Variants in VPS50 observed in about 807,000 individuals in gnomAD.
The protein encoded by VPS50 is VPS50 subunit of EARP/GARPII complex.
In VPS50, 70 loss-of-function variants were observed where a neutral mutation model predicts 139.7. The observed-to-expected ratio is 0.50, with a 90% confidence interval of 0.41 to 0.61. The LOEUF (loss-of-function observed/expected upper bound fraction) is 0.61, where lower values mean the gene tolerates loss of function less well. VPS50 is among the 20% of genes least tolerant of loss of function. VPS50 has a pLI of 0.00. For missense variants in VPS50, 921 were observed against 1,133.7 expected (o/e 0.81, Z 2.69); for synonymous variants, 365 against 376.7 (o/e 0.97, Z 0.36).
At chr7:93,324,601 T>C (rs1797714731) in intron 21 of VPS50, among the ~76,000 whole-genome samples, 1 of 152,164 alleles carries the variant, frequency 6.6e-6, no homozygotes, top group African/African-American at 2.4e-5. Context: ...TTGATTTGCG[T>C]ATATTGAACC....
intron 2 of VPS50, among the ~76,000 whole-genome samples, chr7:93,252,073 G>C (rs1298070652): frequency 6.6e-6 from 1 of 152,174 alleles, no homozygotes; most frequent in Non-Finnish European, 1.5e-5. Context: ...GAGAAGTTTA[G>C]CTTCATAATC....
intron 12 of VPS50, among the ~76,000 whole-genome samples, chr7:93,285,831 G>T (rs1796467187): frequency 6.6e-6 from 1 of 152,194 alleles, no homozygotes; most frequent in Non-Finnish European, 1.5e-5. Flanking sequence ...GGAATGTGAA[G>T]CATAGTGGAA....
At chr7:93,258,459 T>A in intron 8 of VPS50, 67 bp downstream of exon 8, 1 of 1,200,956 alleles carries the variant, frequency 8.3e-7, no homozygotes. Flanking sequence ...CAGACAAAAT[T>A]CAGAAGTGCA....
At position 93,358,588 on chromosome 7, in the gene VPS50, T is replaced by G; in HGVS notation, c.*152T>G. On this transcript the variant is annotated 3_prime_UTR_variant, in exon 28 of 28. Transcript: ENST00000305866. ...AAAGTGGAAAATATTGAAATGTGTG[T>G]GGTGTTCTCATGACTTTTATATGCT... is the stretch of plus-strand genomic sequence containing the variant. 1 of 655,250 alleles carries G rather than the reference T, an allele frequency of 1.5e-6. No homozygotes were observed. The highest frequency in any genetic ancestry group is 1.9e-5 in the South Asian group (1 of 52,776). The allele number at this position is 655,250 out of a possible 1,614,324, so 40.6% of individuals were successfully genotyped here.
chr7:93,237,155 A>G (rs1439465804), intron 1 of VPS50, among the ~76,000 whole-genome samples: 2 of 148,768 alleles, frequency 1.3e-5, no homozygotes, highest in Non-Finnish European at 3.0e-5. Flanking sequence ...ACGGGGTTTC[A>G]CTGTGTTAGC....
rs1795378724 is a variant in VPS50 at position 93,252,957 on chromosome 7, T to C, written c.225+182T>C. Among the ~76,000 whole-genome samples the C allele has an allele frequency of 2.6e-5, 4 of 152,244 alleles. No individual in the cohort carries two copies. The South Asian group carries it at 8.3e-4, about 32-fold the overall frequency. On this transcript the variant is annotated intron_variant, in intron 3 of 27. Transcript: ENST00000305866. The stretch of plus-strand genomic sequence containing the variant: ...GGCGATGAAATTATTATTTTTTGAA[T>C]GTAACTTTAAATACAACCGTTCAGG...
chr7:93,336,513 CTTAT>C (rs769807074), intron 22 of VPS50, among the ~76,000 whole-genome samples: 90 of 152,254 alleles, frequency 5.9e-4, no homozygotes, highest in Non-Finnish European at 1.0e-3. Context: ...CTTTAGCCAA[CTTAT>C]TTATTTATTT....
At chr7:93,305,751 G>A in intron 17 of VPS50, 77 bp from the exon 18 acceptor site, 1 of 979,484 alleles carries the variant, frequency 1.0e-6, no homozygotes, top group Non-Finnish European at 1.6e-6. Flanking sequence ...AACTCTACAT[G>A]TATATTGAGG....
chr7:93,275,319 A>C lies in VPS50; in HGVS notation c.802-846A>C, dbSNP rs575104846. On this transcript the variant is annotated intron_variant, in intron 11 of 27. Coordinates refer to ENST00000305866, the MANE Select transcript of VPS50 (RefSeq NM_017667.4). ...TGTGGATAAAATGCTATCAAACAGC[A>C]TCGCATGCTACAGAGAAATATTTTG... 3.3e-5 allele frequency among the ~76,000 whole-genome samples: 5 copies of C among 152,316 alleles called. No individual in the cohort carries two copies. In the East Asian group the frequency reaches 7.7e-4, roughly 24 times the overall value.
In VPS50 at chr7:93,294,607, T is replaced by C. The variant is rs750663993; in HGVS notation, c.1138T>C (p.Leu380=). The change falls in exon 14 of 28, where the codon TTA becomes CTA. Residue 380 remains leucine, a synonymous_variant. Coordinates refer to ENST00000305866, the MANE Select transcript of VPS50 (RefSeq NM_017667.4). The part of the protein sequence containing the change: ...NFDRGYIKKK[L]EHGLTRIWQD... Reference sequence around the variant, plus strand: ...TGATCGTGGCTACATAAAAAAGAAATTAGAACATGGACTTACACGAATATG... The same window carrying C: ...TGATCGTGGCTACATAAAAAAGAAACTAGAACATGGACTTACACGAATATG... 7 of 1,599,716 alleles carry C rather than the reference T, an allele frequency of 4.4e-6. No homozygotes were observed. The East Asian group carries it at 1.6e-4, about 36-fold the overall frequency.
chr7:93,255,738 A>G (rs899634541), intron 4 of VPS50, among the ~76,000 whole-genome samples: 1 of 152,210 alleles, frequency 6.6e-6, no homozygotes, highest in Non-Finnish European at 1.5e-5. Flanking sequence ...GATTAAGAAA[A>G]TGTGAAAGGA....
chr7:93,278,255 T>G (rs553909213), intron 12 of VPS50, among the ~76,000 whole-genome samples: 1 of 152,252 alleles, frequency 6.6e-6, no homozygotes, highest in Non-Finnish European at 1.5e-5. Context: ...AACAAAAATT[T>G]GTGCTCAAGG....
intron 12 of VPS50, among the ~76,000 whole-genome samples, chr7:93,281,133 C>T (rs1038200038): frequency 3.9e-5 from 6 of 152,124 alleles, no homozygotes. Context: ...ACACTGAGCA[C>T]CTTCTCTGAG....
In VPS50 at chr7:93,236,937, C is replaced by CTTTTTTTTTTTTTT. The variant is rs71107889; in HGVS notation, c.34-2910_34-2897dup. Among the ~76,000 whole-genome samples, 15 of 31,068 alleles carry CTTTTTTTTTTTTTT rather than the reference C, an allele frequency of 4.8e-4. 3 individuals carry two copies. Among genetic ancestry groups the CTTTTTTTTTTTTTT allele is most frequent in the Admixed American group, 1.0e-3 (2 of 1,946 alleles). The allele number at this position is 31,068 out of a possible 152,430, so 20.4% of individuals were successfully genotyped here. ...CTCACATACATGACCTCTTTTACTT[C>CTTTTTTTTTTTTTT]TTTTTTTTTTTTTTTTTTTTTTTTT... is the stretch of plus-strand genomic sequence containing the variant. On this transcript the variant is annotated intron_variant, in intron 1 of 27. Transcript: ENST00000305866.
At position 93,312,775 on chromosome 7, in the gene VPS50, C is replaced by T. The variant is rs1159945053; in HGVS notation, c.1855+1503C>T. ...TGGTAGTTATCGTGCTTCCTTTTCT[C>T]ATACCGACCACCCCACAATCCATTT... On this transcript the variant is annotated intron_variant, in intron 20 of 27. Coordinates refer to ENST00000305866, the MANE Select transcript of VPS50 (RefSeq NM_017667.4). Among the ~76,000 whole-genome samples the T allele has an allele frequency of 2.0e-5, 3 of 152,066 alleles. No individual in the cohort carries two copies. The East Asian group carries it at 5.8e-4, about 29-fold the overall frequency.
At chr7:93,294,093 A>G (rs182564987) in intron 13 of VPS50, among the ~76,000 whole-genome samples, 25 of 152,346 alleles carry the variant, frequency 1.6e-4, no homozygotes, top group Admixed American at 1.1e-3. Flanking sequence ...GGATAAAACT[A>G]TTATTTATCA....
chr7:93,233,893 G>A (rs575880014), intron 1 of VPS50, among the ~76,000 whole-genome samples: 5 of 152,192 alleles, frequency 3.3e-5, no homozygotes, highest in Non-Finnish European at 7.4e-5. Flanking sequence ...AGTTTAAGGC[G>A]TTAACGGAGT....
At position 93,291,808 on chromosome 7, in the gene VPS50, G is replaced by A; in HGVS notation, c.1048G>A (p.Asp350Asn). 1 of 1,599,268 alleles carries A rather than the reference G, an allele frequency of 6.3e-7. No homozygotes were observed. Among genetic ancestry groups the A allele is most frequent in the Non-Finnish European group, 8.5e-7 (1 of 1,172,180 alleles). ...GACTATGGAATGGCATGAAAAGCAT[G>A]ACAATGAGGATACTGCTTCAGCTTC... ...YRTMEWHEKH[D>N]NEDTASASEG... The change falls in exon 13 of 28, where the codon GAC (aspartate) becomes AAC (asparagine). Residue 350 changes from aspartate (D) to asparagine (N), a missense_variant. Asp to Asn is a conservative substitution (Grantham distance 23). Around this residue, in one of 3 missense-constraint regions of VPS50, gnomAD observed 744 missense variants for 930.6 expected, o/e 0.80. Transcript: ENST00000305866.
chr7:93,298,552 TTCCTGGTG>T (rs1459124749), intron 16 of VPS50, among the ~76,000 whole-genome samples: 1 of 152,170 alleles, frequency 6.6e-6, no homozygotes, highest in Non-Finnish European at 1.5e-5. Flanking sequence ...ACTTTTGGTG[TTCCTGGTG>T]TCTAGGATGT....
Sources: allele counts gnomAD v4.1 joint callset (sites outside exome capture counted in the v4.1 genomes callset), GRCh38; gene constraint gnomAD v4.1.1; regional missense constraint gnomAD v4.1.1; transcripts MANE v1.5; gene names NCBI Gene and HGNC (gene_info 2026-07-23, HGNC 2026-07-21).